FRRS1L: variants seen among roughly 807,000 people sequenced by gnomAD.
FRRS1L encodes the protein ferric chelate reductase 1 like.
FRRS1L carries 22 observed loss-of-function variants against 28.6 expected under a neutral mutation model. The observed-to-expected ratio is 0.77, with a 90% CI of 0.55 to 1.10. The LOEUF is 1.10. Ranked by LOEUF, FRRS1L falls within the 50% of genes least tolerant of loss-of-function variation. The pLI, the probability that FRRS1L is intolerant of heterozygous loss-of-function variation, is 0.00. For missense variants in FRRS1L, 380 were observed against 386.9 expected, an observed-to-expected ratio of 0.98 and a Z score of 0.15; for synonymous variants, 158 against 151.4, an observed-to-expected ratio of 1.04 and a Z score of -0.32.
At chr9:109,161,259 T>TA (rs1260408177) in intron 1 of FRRS1L, among the ~76,000 whole-genome samples, 1 of 152,210 alleles carries the variant, frequency 6.6e-6, no homozygotes, top group Admixed American at 6.5e-5. Flanking sequence ...TTTCATCACT[T>TA]AAATTGTTTT....
chr9:109,141,977 A>G (rs1466897599), intron 3 of FRRS1L, among the ~76,000 whole-genome samples: 1 of 152,010 alleles, frequency 6.6e-6, no homozygotes, highest in East Asian at 1.9e-4. Context: ...AAAAAGGCTA[A>G]GAAACTATTT....
rs1352858610 is a variant in FRRS1L, at chr9:109,130,349, G to GT, written c.*7105dup. 2 of 152,186 alleles carry GT rather than the reference G, an allele frequency of 1.3e-5. No homozygotes were observed. Among genetic ancestry groups the GT allele is most frequent in the East Asian group, 3.8e-4 (2 of 5,196 alleles). The allele number at this position is 152,186 out of a possible 1,614,324, so 9.4% of individuals were successfully genotyped here. A position where few individuals can be genotyped will look rare whatever the true frequency, so the allele number is the denominator to read the frequency against. On this transcript the variant is annotated 3_prime_UTR_variant, in exon 5 of 5. Transcript: ENST00000561981. ...AACAGGAAGAATTTCAAACTATGTT[G>GT]TAATTCTTATTTTAAAGTTTAAATC...
rs1309394178 is a variant in FRRS1L at position 109,136,647 on chromosome 9, A to G, written c.*808T>C. 1 of 152,080 alleles carries G rather than the reference A, an allele frequency of 6.6e-6. No individual in the cohort carries two copies. The highest frequency in any genetic ancestry group is 6.6e-5 in the Admixed American group (1 of 15,244). 9.4% of individuals were successfully genotyped at this position (152,080 alleles called of 1,614,324 possible). ...GCAATTCTCCTGCCTCAGCCTCCCG[A>G]ATAGCTGGGATTATAGGTGTGCACC... On this transcript the variant is annotated 3_prime_UTR_variant, in exon 5 of 5. Transcript: ENST00000561981.
intron 2 of FRRS1L, 110 bp from the exon 3 acceptor site, chr9:109,147,299 G>A: frequency 2.2e-6 from 2 of 903,154 alleles, no homozygotes; most frequent in East Asian, 2.5e-5. Context: ...TAAACACATT[G>A]GATTTTTGCT....
chr9:109,155,634 G>A (rs779692329), intron 1 of FRRS1L, among the ~76,000 whole-genome samples: 2 of 151,158 alleles, frequency 1.3e-5, no homozygotes, highest in Non-Finnish European at 2.9e-5. Context: ...AACCTGGGAG[G>A]TGGAGGTTGC....
intron 4 of FRRS1L, chr9:109,139,197 T>TA (rs142883739): frequency 0.071 from 10,684 of 150,722 alleles, 457 homozygotes; most frequent in South Asian, 0.14. Flanking sequence ...AGACTCCGTT[T>TA]AAAAAAAAAT....
chr9:109,137,439 G>T lies in FRRS1L; in HGVS notation c.*16C>A. 6.7e-7 allele frequency: 1 copy of T among 1,494,582 alleles called. No homozygotes were observed. Among genetic ancestry groups the T allele is most frequent in the Non-Finnish European group, 9.0e-7 (1 of 1,108,970 alleles). 92.6% of individuals were successfully genotyped at this position (1,494,582 alleles called of 1,614,324 possible). A position where few individuals can be genotyped will look rare whatever the true frequency, so the allele number is the denominator to read the frequency against. On this transcript the variant is annotated 3_prime_UTR_variant, in exon 5 of 5. Transcript: ENST00000561981. ...GACTTCCCAATCCATGTAATCTGTT[G>T]GCCCTGCAGCTGTGGTTAGGGGGTT...
chr9:109,141,616 A>T, intron 3 of FRRS1L, 27 bp from the exon 4 acceptor site: 1 of 1,596,798 alleles, frequency 6.3e-7, no homozygotes, highest in Non-Finnish European at 8.6e-7. Flanking sequence ...TTGAGAAAAA[A>T]AAAAGTCAAA....
chr9:109,160,646 C>T (rs1831469618), intron 1 of FRRS1L, among the ~76,000 whole-genome samples: 1 of 152,112 alleles, frequency 6.6e-6, no homozygotes, highest in Admixed American at 6.6e-5. Flanking sequence ...GGATTACAGG[C>T]ATGAGCCACT....
chr9:109,161,257 C>G (rs539348190), intron 1 of FRRS1L, among the ~76,000 whole-genome samples: 2 of 152,124 alleles, frequency 1.3e-5, no homozygotes, highest in African/African-American at 4.8e-5. Flanking sequence ...TTTTTCATCA[C>G]TTAAATTGTT....
In FRRS1L at chr9:109,149,703, C is replaced by T. The variant is rs1831307153; in HGVS notation, c.256G>A (p.Ala86Thr). Residue 86 changes from alanine (A) to threonine (T), a missense_variant, in exon 2 of 5, where the codon GCT becomes ACT. By Grantham distance (58) the Ala-to-Thr change is moderately conservative. Coordinates refer to ENST00000561981, the MANE Select transcript of FRRS1L (RefSeq NM_014334.4). Reference sequence around the variant, plus strand: ...TTGGCAAATGGATCCACAGGAGGAGCAGTAGGGAAGGGGTAACCTGGGCAG... The same window carrying T: ...TTGGCAAATGGATCCACAGGAGGAGTAGTAGGGAAGGGGTAACCTGGGCAG... ...LSEEGYPFPTAPPVDPFAKIK... is the reference protein window; with the variant it reads ...LSEEGYPFPTTPPVDPFAKIK... The T allele has an allele frequency of 2.5e-6, 4 of 1,612,452 alleles. No homozygotes were observed. Among genetic ancestry groups the T allele is most frequent in the Non-Finnish European group, 3.4e-6 (4 of 1,178,624 alleles).
At chr9:109,149,941 T>C in intron 1 of FRRS1L, 1 of 469,408 alleles carries the variant, frequency 2.1e-6, no homozygotes, top group Non-Finnish European at 3.8e-6. Context: ...AGGTGTGTCC[T>C]TTTCTCACTT....
chr9:109,149,580 C>A, intron 2 of FRRS1L, 56 bp downstream of exon 2: 1 of 1,163,676 alleles, frequency 8.6e-7, no homozygotes, highest in Middle Eastern at 1.9e-4. Flanking sequence ...TAAATACTAC[C>A]CTGAGAAGTA....
intron 3 of FRRS1L, among the ~76,000 whole-genome samples, chr9:109,144,738 C>T (rs1456947503): frequency 1.3e-5 from 2 of 152,052 alleles, no homozygotes; most frequent in East Asian, 3.9e-4. Flanking sequence ...GGCTGGAGTA[C>T]AATGGCACGA....
At chr9:109,144,167 A>G (rs763716525) in intron 3 of FRRS1L, among the ~76,000 whole-genome samples, 4 of 152,104 alleles carry the variant, frequency 2.6e-5, no homozygotes, top group Admixed American at 6.5e-5. Context: ...GGAGATAAGT[A>G]GACTAATATC....
rs756685665 is a variant in FRRS1L, at chr9:109,145,924, G to A, written c.462+1127C>T. On this transcript the variant is annotated intron_variant, in intron 3 of 4. Coordinates refer to ENST00000561981, the MANE Select transcript of FRRS1L (RefSeq NM_014334.4). ...TAAATGAGTAAAGTAGGTGGGATAC[G>A]GTGGCTCATGCCTGTAATCCCAGGA... Among the ~76,000 whole-genome samples, 25 of 152,178 alleles carry A rather than the reference G, an allele frequency of 1.6e-4. No homozygotes were observed. In the South Asian group the frequency reaches 2.3e-3, roughly 14 times the overall value.
At chr9:109,161,881 C>T (rs143961402) in intron 1 of FRRS1L, among the ~76,000 whole-genome samples, 2 of 152,230 alleles carry the variant, frequency 1.3e-5, no homozygotes, top group South Asian at 2.1e-4. Context: ...GTAAAAGTAT[C>T]GAGGGGTTTT....
chr9:109,146,522 C>G (rs1162690300), intron 3 of FRRS1L, among the ~76,000 whole-genome samples: 1 of 152,156 alleles, frequency 6.6e-6, no homozygotes, highest in East Asian at 1.9e-4. Flanking sequence ...GGAACACCCC[C>G]ACACATCTGG....
rs548294781 is a variant in FRRS1L at position 109,141,487 on chromosome 9, G to C, written c.565C>G (p.Pro189Ala). 9.3e-6 allele frequency: 15 copies of C among 1,614,056 alleles called. No individual in the cohort carries two copies. Among genetic ancestry groups the C allele is most frequent in the East Asian group, 2.2e-5 (1 of 44,870 alleles). ...GQWAKEIQRN[P>A]ARDEEGVFEN... ...AAAACTCCTTCTTCATCTCTGGCAG[G>C]GTTTCTCTGAATCTCCTTTGCCCAC... The change falls in exon 4 of 5, where the codon CCT (proline) becomes GCT (alanine). Residue 189 changes from proline (P) to alanine (A), a missense_variant. Coordinates refer to ENST00000561981, the MANE Select transcript of FRRS1L (RefSeq NM_014334.4).
Sources: gnomAD v4.1 joint callset for allele counts (sites outside exome capture counted in the v4.1 genomes callset) on GRCh38, gnomAD v4.1.1 for gene constraint, MANE v1.5 for transcripts, NCBI Gene and HGNC (gene_info 2026-07-23, HGNC 2026-07-21) for gene names.